The following RUBCNL variants were observed in gnomAD, a reference collection of about 807,000 sequenced individuals.
RUBCNL encodes protein associated with UVRAG as autophagy enhancer.
A neutral mutation model predicts 69.5 loss-of-function variants in RUBCNL; 62 were observed. The observed-to-expected ratio is 0.89, with a 90% CI of 0.73 to 1.10. RUBCNL has a LOEUF of 1.10. RUBCNL is among the 50% of genes least tolerant of loss of function. The pLI is 0.00. For synonymous variants in RUBCNL, 291 were observed against 303.6 expected, an observed-to-expected ratio of 0.96 and a Z score of 0.43; for missense variants, 768 against 798.1, an observed-to-expected ratio of 0.96 and a Z score of 0.45.
chr13:46,378,107 T>TA, intron 1 of RUBCNL, 102 bp from the exon 2 acceptor site: 1 of 646,424 alleles, frequency 1.5e-6, no homozygotes, highest in Non-Finnish European at 2.5e-6. Flanking sequence ...AGTTAAGAAA[T>TA]ATTTTTTTAC....
intron 1 of RUBCNL, among the ~76,000 whole-genome samples, chr13:46,383,235 T>A (rs1276434861): frequency 2.0e-5 from 3 of 152,236 alleles, no homozygotes; most frequent in Non-Finnish European, 4.4e-5. Context: ...AGTCCCTAGG[T>A]TGCCTATCTG....
chr13:46,375,891 T>A (rs189532289), intron 2 of RUBCNL, among the ~76,000 whole-genome samples: 2 of 152,352 alleles, frequency 1.3e-5, no homozygotes, highest in Non-Finnish European at 2.9e-5. Context: ...TTCTTCCATA[T>A]CTGTCACCAT....
At chr13:46,387,374 C>G (rs1046133062), upstream of RUBCNL, 3 of 985,396 alleles carry the variant, frequency 3.0e-6, no homozygotes, top group Non-Finnish European at 3.6e-6. Flanking sequence ...GCCGTTCCCG[C>G]CGCAGGCACC....
intron 1 of RUBCNL, among the ~76,000 whole-genome samples, chr13:46,379,354 G>A (rs140272606): frequency 1.8e-3 from 269 of 152,306 alleles, no homozygotes; most frequent in African/African-American, 6.3e-3. Context: ...GGGATTACAG[G>A]TATGAGCCAC....
intron 1 of RUBCNL, among the ~76,000 whole-genome samples, chr13:46,380,728 T>A (rs2049099041): frequency 6.6e-6 from 1 of 152,208 alleles, no homozygotes; most frequent in Non-Finnish European, 1.5e-5. Flanking sequence ...ACACCTTACA[T>A]GTGTACAGCT....
At chr13:46,357,953 T>A in intron 9 of RUBCNL, among the ~76,000 whole-genome samples, 1 of 152,154 alleles carries the variant, frequency 6.6e-6, no homozygotes, top group Non-Finnish European at 1.5e-5. Context: ...TATTGAACTG[T>A]TTATCCCATA....
At chr13:46,382,901 C>T (rs2049151702) in intron 1 of RUBCNL, among the ~76,000 whole-genome samples, 1 of 152,082 alleles carries the variant, frequency 6.6e-6, no homozygotes, top group Non-Finnish European at 1.5e-5. Context: ...AGATGATAAA[C>T]AAGGTAAAAA....
intron 2 of RUBCNL, 106 bp downstream of exon 2, chr13:46,377,784 C>CA (rs1190342481): frequency 1.8e-6 from 1 of 564,876 alleles, no homozygotes; most frequent in African/African-American, 1.9e-5. Flanking sequence ...GTTATAAAAT[C>CA]AAAGCATTGA....
Position 46,368,161 on chromosome 13 carries a change from C to T in RUBCNL, c.707G>A (p.Ser236Asn), listed in dbSNP as rs2048801006. Residue 236 changes from serine (S) to asparagine (N), a missense_variant, in exon 5 of 15, where the codon AGC (serine) becomes AAC (asparagine). By Grantham distance (46) the Ser-to-Asn change is conservative. Transcript: ENST00000429979. ...TAACCCACTGACTTCTTTACTCCAGCTCTCTGTCTGCTGTTGACTCAGAAT... is the reference window on the plus strand; with the variant it reads ...TAACCCACTGACTTCTTTACTCCAGTTCTCTGTCTGCTGTTGACTCAGAAT... ...CNILSQQQTE[S>N]WSKEVSGLLG... is the part of the protein sequence containing the mutation. 1 of 1,613,996 alleles carries T rather than the reference C, an allele frequency of 6.2e-7. No homozygotes were observed. Among genetic ancestry groups the T allele is most frequent in the Non-Finnish European group, 8.5e-7 (1 of 1,179,880 alleles).
chr13:46,339,813 C>G lies in RUBCNL; in HGVS notation c.*3572G>C, dbSNP rs752370301. 6.6e-6 allele frequency among the ~76,000 whole-genome samples: 1 copy of G among 151,864 alleles called. No individual in the cohort carries two copies. The highest frequency in any genetic ancestry group is 1.9e-4 in the East Asian group (1 of 5,178). On this transcript the variant is annotated 3_prime_UTR_variant, in exon 15 of 15. Transcript: ENST00000429979. ...GGCGGAGGTTGAAGTGAGCTGAGAT[C>G]GCACCACTGCACTATAGCCTGGGTG...
chr13:46,353,123 G>A (rs1444218100), intron 10 of RUBCNL, among the ~76,000 whole-genome samples: 22 of 152,210 alleles, frequency 1.4e-4, no homozygotes, highest in Non-Finnish European at 3.2e-4. Flanking sequence ...GCATTCGATG[G>A]TGGGAAAGGG....
chr13:46,374,731 C>CA (rs2048952391), intron 2 of RUBCNL: 1 of 152,284 alleles, frequency 6.6e-6, no homozygotes, highest in African/African-American at 2.4e-5. Flanking sequence ...ACCTTGCCCT[C>CA]AAGGCCTGAC....
Position 46,339,624 on chromosome 13 carries a change from C to T in RUBCNL, c.*3761G>A, listed in dbSNP as rs1056045809. 4.6e-5 allele frequency among the ~76,000 whole-genome samples: 7 copies of T among 152,080 alleles called. No individual in the cohort carries two copies. Among genetic ancestry groups the T allele is most frequent in the African/African-American group, 9.7e-5 (4 of 41,412 alleles). On this transcript the variant is annotated 3_prime_UTR_variant, in exon 15 of 15. Coordinates refer to ENST00000429979, the MANE Select transcript of RUBCNL (RefSeq NM_025113.5). ...CTGTAATCCCAGCACTTTTGGAAGC[C>T]GAAGCAGGCAGATCACCTGAGGTCA...
At position 46,345,580 on chromosome 13, in the gene RUBCNL, T is replaced by C; in HGVS notation, c.1652A>G (p.Gln551Arg). 6.2e-7 allele frequency: 1 copy of C among 1,613,740 alleles called. No individual in the cohort carries two copies. Among genetic ancestry groups the C allele is most frequent in the South Asian group, 1.1e-5 (1 of 90,946 alleles). Residue 551 changes from glutamine (Q) to arginine (R), a missense_variant, in exon 13 of 15, where the codon CAG becomes CGG. By Grantham distance (43) the Gln-to-Arg change is conservative (BLOSUM62 1). Coordinates refer to ENST00000429979, the MANE Select transcript of RUBCNL (RefSeq NM_025113.5). ...FANSALKEFE[Q>R]VPGHLTDELH... Reference sequence around the variant, plus strand: ...CTCATCAGTCAAGTGTCCCGGCACCTGCTCGAACTCCTTTAATGCACTGCC... The same window carrying C: ...CTCATCAGTCAAGTGTCCCGGCACCCGCTCGAACTCCTTTAATGCACTGCC...
intron 9 of RUBCNL, among the ~76,000 whole-genome samples, chr13:46,357,831 T>C (rs752020425): frequency 6.6e-6 from 1 of 152,088 alleles, no homozygotes; most frequent in Non-Finnish European, 1.5e-5. Flanking sequence ...GGTTCTGCCA[T>C]GTTAGCCAGG....
intron 11 of RUBCNL, 58 bp downstream of exon 11, chr13:46,350,055 G>T: frequency 1.6e-6 from 2 of 1,289,474 alleles, no homozygotes; most frequent in Non-Finnish European, 2.2e-6. Flanking sequence ...AGTGTGATGT[G>T]CATTTCCTGC....
intron 5 of RUBCNL, among the ~76,000 whole-genome samples, chr13:46,363,961 CATT>C (rs139658390): frequency 0.072 from 10,766 of 149,064 alleles, 843 homozygotes; most frequent in East Asian, 0.33. Context: ...CATTAATAAT[CATT>C]ATTATATTAT....
intron 6 of RUBCNL, among the ~76,000 whole-genome samples, 176 bp downstream of exon 6, chr13:46,362,939 G>GATATATATATATATATATATAT (rs57722239): frequency 3.6e-4 from 15 of 41,480 alleles, no homozygotes; most frequent in South Asian, 7.7e-4. Context: ...TATATATATA[G>GATATATATATATATATATATAT]ATATATATAT....
rs1287899402 is a variant in RUBCNL, at chr13:46,363,150, A to C, written c.890T>G (p.Ile297Ser). The change falls in exon 6 of 15, where the codon ATT (isoleucine) becomes AGT (serine). Residue 297 changes from isoleucine to serine, a missense_variant. Coordinates refer to ENST00000429979, the MANE Select transcript of RUBCNL (RefSeq NM_025113.5). ...ETRTYHDVKE[I>S]CKCDVDEFVI... is the part of the protein sequence containing the mutation. ...AAATTCATCAACATCGCATTTGCAAATCTCTTTCACATCATGGTAAGTACG... is the reference window on the plus strand; with the variant it reads ...AAATTCATCAACATCGCATTTGCAACTCTCTTTCACATCATGGTAAGTACG... 1 of 1,602,122 alleles carries C rather than the reference A, an allele frequency of 6.2e-7. No individual in the cohort carries two copies. Among genetic ancestry groups the C allele is most frequent in the South Asian group, 1.1e-5 (1 of 89,780 alleles).
Sources: gnomAD v4.1 joint callset for allele counts (sites outside exome capture counted in the v4.1 genomes callset) on GRCh38, gnomAD v4.1.1 for gene constraint, MANE v1.5 for transcripts, NCBI Gene and HGNC (gene_info 2026-07-23, HGNC 2026-07-21) for gene names.